Variants in MCRS1 observed in about 807,000 individuals in gnomAD.
The protein encoded by MCRS1 is microspherule protein 1.
MCRS1 carries 22 observed loss-of-function variants against 62.9 expected under a neutral mutation model. The observed-to-expected ratio is 0.35, with a 90% CI of 0.25 to 0.50. The LOEUF is 0.50. Ranked by LOEUF, MCRS1 falls within the 20% of genes least tolerant of loss-of-function variation. MCRS1 has a pLI of 0.98. For synonymous variants in MCRS1, 244 were observed against 233.5 expected (o/e 1.04, Z -0.41); for missense variants, 456 against 601.1 (o/e 0.76, Z 2.52).
intron 2 of MCRS1, 136 bp downstream of exon 2, chr12:49,566,586 G>A (rs1454819835): frequency 2.7e-6 from 4 of 1,488,638 alleles, no homozygotes; most frequent in Non-Finnish European, 3.7e-6. Flanking sequence ...CTGCCGACAG[G>A]TACATGGGTG....
At position 49,559,406 on chromosome 12, in the gene MCRS1, C is replaced by T. The variant is rs983948694; in HGVS notation, c.1086+47G>A. ...ACCAAGGACTACGCAGAGAAAGGCA[C>T]TGACAGAGGAAGCAGCCTAAGAAGG... On this transcript the variant is annotated intron_variant, in intron 12 of 14. Coordinates refer to ENST00000343810, the MANE Select transcript of MCRS1 (RefSeq NM_006337.5). This position sits in a 1 kb window ranked among gnomAD's most constrained non-coding sequence, Gnocchi z 5.2. The T allele has an allele frequency of 6.2e-7, 1 of 1,611,830 alleles. No homozygotes were observed. Among genetic ancestry groups the T allele is most frequent in the Non-Finnish European group, 8.5e-7 (1 of 1,178,114 alleles).
intron 7 of MCRS1, 64 bp downstream of exon 7, chr12:49,563,374 G>T: frequency 6.7e-7 from 1 of 1,500,018 alleles, no homozygotes; most frequent in Non-Finnish European, 9.2e-7. Flanking sequence ...CACATCAGTG[G>T]TTTTCTAGGT....
At chr12:49,560,234 G>T (rs553196709) in intron 9 of MCRS1, 61 bp downstream of exon 9, 3 of 1,559,128 alleles carry the variant, frequency 1.9e-6, no homozygotes, top group Non-Finnish European at 2.7e-6. Context: ...AGCCTGGGGC[G>T]CTCTACCTGA....
chr12:49,562,242 T>C (rs1352264661), intron 8 of MCRS1, among the ~76,000 whole-genome samples: 2 of 152,280 alleles, frequency 1.3e-5, no homozygotes, highest in African/African-American at 4.8e-5. Flanking sequence ...AAAAACTATG[T>C]AGACGGCAAT....
Position 49,566,754 on chromosome 12 carries a change from T to G in MCRS1, c.-23A>C. 2 of 1,613,438 alleles carry G rather than the reference T, an allele frequency of 1.2e-6. No individual in the cohort carries two copies. Among genetic ancestry groups the G allele is most frequent in the Non-Finnish European group, 1.7e-6 (2 of 1,179,740 alleles). ...CATCCTCTTACAGTCCCAAAGCCAC[T>G]GGTTCCAAACCACCGGGCTAGGAGG... On this transcript the variant is annotated 5_prime_UTR_variant, in exon 2 of 15. Coordinates refer to ENST00000343810, the MANE Select transcript of MCRS1 (RefSeq NM_006337.5).
intron 2 of MCRS1, 148 bp from the exon 3 acceptor site, chr12:49,566,363 G>C (rs746671403): frequency 1.3e-6 from 2 of 1,570,736 alleles, no homozygotes; most frequent in Admixed American, 3.8e-5. Flanking sequence ...GAGTTCCTTG[G>C]CCATCCAGAT....
intron 6 of MCRS1, 36 bp from the exon 7 acceptor site, chr12:49,563,582 GA>G: frequency 6.5e-7 from 1 of 1,528,708 alleles, no homozygotes; most frequent in Non-Finnish European, 9.0e-7. Flanking sequence ...AGGGGTGAAG[GA>G]AAGGTGTCAA....
At chr12:49,564,320 T>A (rs946652286) in intron 6 of MCRS1, among the ~76,000 whole-genome samples, 161 bp downstream of exon 6, 5 of 152,202 alleles carry the variant, frequency 3.3e-5, no homozygotes, top group Non-Finnish European at 1.5e-5. Context: ...AGGAAGAAAC[T>A]TCTCTTTGAA....
chr12:49,566,249 T>G, intron 2 of MCRS1, 34 bp from the exon 3 acceptor site: 2 of 1,600,176 alleles, frequency 1.2e-6, no homozygotes, highest in Non-Finnish European at 1.7e-6. Flanking sequence ...TCGGGCCTCC[T>G]AAGATCCTAG....
rs781400888 is a variant in MCRS1 at position 49,559,553 on chromosome 12, T to C, written c.1004-18A>G. On this transcript the variant is annotated intron_variant, in intron 11 of 14. Coordinates refer to ENST00000343810, the MANE Select transcript of MCRS1 (RefSeq NM_006337.5). This position sits in a 1 kb window ranked among gnomAD's most constrained non-coding sequence, Gnocchi z 5.2. ...GCTCATGCCTGGGAGAAGAGGGAGT[T>C]TGGAAGAGCCTACCCCTGAGGGCCA... The C allele has an allele frequency of 1.4e-5, 23 of 1,607,720 alleles. No homozygotes were observed. The highest frequency in any genetic ancestry group is 2.2e-5 in the East Asian group (1 of 44,862).
In MCRS1 at chr12:49,559,930, C is replaced by T; in HGVS notation, c.910+9G>A. The T allele has an allele frequency of 6.2e-7, 1 of 1,614,204 alleles. No homozygotes were observed. ...CCATCCCCTCACCACCCCATGAGGC[C>T]ATACTTACCATGTTCCAGGACCTCA... On this transcript the variant is annotated intron_variant, in intron 10 of 14. Coordinates refer to ENST00000343810, the MANE Select transcript of MCRS1 (RefSeq NM_006337.5). This position sits in a 1 kb window ranked among gnomAD's most constrained non-coding sequence, Gnocchi z 5.2.
chr12:49,564,779 C>T lies in MCRS1; in HGVS notation c.405G>A (p.Trp135Ter). ...PLQVTKDLGR[W>*]KPADDLLLIN... The stretch of plus-strand genomic sequence containing the variant: ...TGAGCAGGAGGTCATCTGCAGGCTT[C>T]CAGCGGCCCAGATCCTTGGTCACCT... The change falls in exon 5 of 15, where the codon TGG (tryptophan) becomes TGA (stop). Residue 135 changes from tryptophan (W) to a stop codon, truncating the protein, a stop_gained. Transcript: ENST00000343810. LOFTEE classifies it high-confidence loss of function. 1 of 1,613,904 alleles carries T rather than the reference C, an allele frequency of 6.2e-7. No individual in the cohort carries two copies. The highest frequency in any genetic ancestry group is 1.7e-4 in the Middle Eastern group (1 of 6,056).
intron 1 of MCRS1, among the ~76,000 whole-genome samples, chr12:49,567,172 G>T (rs1409290435): frequency 6.6e-6 from 1 of 152,014 alleles, no homozygotes; most frequent in Non-Finnish European, 1.5e-5. Context: ...GGATTCTTTG[G>T]CCCACATTTT....
In MCRS1 at chr12:49,566,814, A is replaced by C; in HGVS notation, c.-83T>G. The C allele has an allele frequency of 1.3e-6, 2 of 1,559,428 alleles. No homozygotes were observed. The highest frequency in any genetic ancestry group is 1.8e-6 in the Non-Finnish European group (2 of 1,141,804). ...ACAGGCTCATCCAAGGATTCTGACCAGGTGAGCTTAAAGGCTGAGAGGAGA... is the reference window on the plus strand; with the variant it reads ...ACAGGCTCATCCAAGGATTCTGACCCGGTGAGCTTAAAGGCTGAGAGGAGA... On this transcript the variant is annotated 5_prime_UTR_variant, in exon 2 of 15. Coordinates refer to ENST00000343810, the MANE Select transcript of MCRS1 (RefSeq NM_006337.5).
chr12:49,566,255 C>G (rs768381283), intron 2 of MCRS1, 40 bp from the exon 3 acceptor site: 251 of 1,592,380 alleles, frequency 1.6e-4, no homozygotes, highest in Non-Finnish European at 2.0e-4. Flanking sequence ...CTCCTAAGAT[C>G]CTAGAGCCTC....
chr12:49,566,957 G>T (rs750208836), intron 1 of MCRS1, 116 bp from the exon 2 acceptor site: 37 of 596,776 alleles, frequency 6.2e-5, no homozygotes, highest in Middle Eastern at 4.5e-4. Context: ...ATAAGGACAG[G>T]AAAGAGGCAT....
rs757215072 is a variant in MCRS1, at chr12:49,559,311, T to C, written c.1087-10A>G. On this transcript the variant is annotated splice_polypyrimidine_tract_variant and intron_variant, in intron 12 of 14. Transcript: ENST00000343810. The surrounding 1 kb of genome is among the most constrained non-coding windows in gnomAD (Gnocchi z 5.2). ...CTCTGCCCAGGGTGATCTGGGGAAA[T>C]GGGGCAGGTGAGGGCTGGGACCTGA... is the stretch of plus-strand genomic sequence containing the variant. 6 of 1,613,232 alleles carry C rather than the reference T, an allele frequency of 3.7e-6. No homozygotes were observed. Among genetic ancestry groups the C allele is most frequent in the Non-Finnish European group, 5.1e-6 (6 of 1,179,564 alleles).
chr12:49,562,992 G>T lies in MCRS1; in HGVS notation c.805+9C>A. 6.3e-7 allele frequency: 1 copy of T among 1,598,632 alleles called. No individual in the cohort carries two copies. The highest frequency in any genetic ancestry group is 2.2e-5 in the East Asian group (1 of 44,646). On this transcript the variant is annotated intron_variant, in intron 8 of 14. Transcript: ENST00000343810. Reference sequence around the variant, plus strand: ...CACACCCCCATTCTGCCAGCTCCTGGGGCGTTACCTGTCTGGTCCTCCAGC... The same window carrying T: ...CACACCCCCATTCTGCCAGCTCCTGTGGCGTTACCTGTCTGGTCCTCCAGC...
At chr12:49,563,290 C>T in intron 7 of MCRS1, 148 bp downstream of exon 7, 1 of 1,397,886 alleles carries the variant, frequency 7.2e-7, no homozygotes. Flanking sequence ...TCCTGAGGCC[C>T]CTGTCACAAA....
Sources: gnomAD v4.1 joint callset for allele counts (sites outside exome capture counted in the v4.1 genomes callset) on GRCh38, gnomAD v4.1.1 for gene constraint, Gnocchi (gnomAD v3.1) non-coding constraint, MANE v1.5 for transcripts, NCBI Gene and HGNC (gene_info 2026-07-23, HGNC 2026-07-21) for gene names.